The following CNTN5 variants were observed in gnomAD, a reference collection of about 807,000 sequenced individuals.
CNTN5 encodes contactin 5, also known as contactin-5.
A neutral mutation model predicts 129.1 loss-of-function variants in CNTN5; 77 were observed. The observed-to-expected ratio is 0.60, with a 90% CI of 0.50 to 0.72. The LOEUF is 0.72. Among genes scored for constraint, CNTN5 ranks in the 30% least tolerant of loss-of-function variants. The pLI, the probability that CNTN5 is intolerant of heterozygous loss-of-function variation, is 0.00. For missense variants in CNTN5, 1,478 were observed against 1,328.8 expected, an observed-to-expected ratio of 1.11 and a Z score of -1.75; for synonymous variants, 509 against 465.6, an observed-to-expected ratio of 1.09 and a Z score of -1.20.
At chr11:100,063,083 G>A (rs114082354) in intron 10 of CNTN5, among the ~76,000 whole-genome samples, 2,758 of 152,156 alleles carry the variant, frequency 0.018, 83 homozygotes, top group African/African-American at 0.063. Flanking sequence ...AGGAAAGTAC[G>A]AATTCTCTGT....
intron 1 of CNTN5, among the ~76,000 whole-genome samples, chr11:99,278,099 A>G (rs1487727623): frequency 6.6e-6 from 1 of 151,748 alleles, no homozygotes; most frequent in East Asian, 1.9e-4. Flanking sequence ...CATTATTAAC[A>G]AACTGATATT....
chr11:100,339,334 C>G (rs1230855247), intron 21 of CNTN5, among the ~76,000 whole-genome samples: 1 of 152,014 alleles, frequency 6.6e-6, no homozygotes, highest in East Asian at 1.9e-4. Context: ...TTTTACTGAG[C>G]AATGAAAATG....
intron 3 of CNTN5, among the ~76,000 whole-genome samples, chr11:99,817,693 A>G (rs1419377420): frequency 2.7e-5 from 4 of 149,580 alleles, no homozygotes; most frequent in African/African-American, 9.8e-5. Flanking sequence ...ATACGTTCAG[A>G]AACTACAACT....
chr11:99,700,327 C>A (rs1312555177), intron 3 of CNTN5, among the ~76,000 whole-genome samples: 1 of 151,362 alleles, frequency 6.6e-6, no homozygotes, highest in Non-Finnish European at 1.5e-5. Flanking sequence ...GTGAAAATAA[C>A]TTTGCCAATC....
intron 1 of CNTN5, among the ~76,000 whole-genome samples, chr11:99,215,476 G>T (rs1860068269): frequency 6.6e-6 from 1 of 152,102 alleles, no homozygotes; most frequent in Non-Finnish European, 1.5e-5. Flanking sequence ...ATTTGGAAGA[G>T]GCTAAAAGGA....
intron 3 of CNTN5, among the ~76,000 whole-genome samples, chr11:99,687,455 A>C (rs1001028705): frequency 1.3e-5 from 2 of 152,168 alleles, no homozygotes; most frequent in Admixed American, 6.5e-5. Flanking sequence ...TTTTCTAGAT[A>C]GTTAATTTGC....
chr11:99,984,965 C>T (rs543007300), intron 8 of CNTN5, among the ~76,000 whole-genome samples: 1 of 152,286 alleles, frequency 6.6e-6, no homozygotes. Context: ...AGCCACTGCT[C>T]CAGGTGCTGG....
chr11:99,811,598 G>A (rs961721878), intron 3 of CNTN5, among the ~76,000 whole-genome samples: 2 of 151,510 alleles, frequency 1.3e-5, no homozygotes, highest in Non-Finnish European at 2.9e-5. Context: ...TAGTTCCAAG[G>A]ACTGAAAGTG....
intron 3 of CNTN5, among the ~76,000 whole-genome samples, chr11:99,578,499 T>G (rs1256053341): frequency 2.7e-5 from 4 of 150,866 alleles, no homozygotes; most frequent in African/African-American, 9.8e-5. Context: ...TGTTGTTTCC[T>G]GACTTTTTAA....
chr11:99,629,954 C>G (rs1161877270), intron 3 of CNTN5, among the ~76,000 whole-genome samples: 1 of 151,160 alleles, frequency 6.6e-6, no homozygotes, highest in Non-Finnish European at 1.5e-5. Context: ...TAAAAACATT[C>G]CAATAGATAT....
At chr11:100,244,451 C>A (rs1421395696) in intron 16 of CNTN5, among the ~76,000 whole-genome samples, 1 of 152,092 alleles carries the variant, frequency 6.6e-6, no homozygotes, top group Admixed American at 6.6e-5. Context: ...TGAATGAAAA[C>A]CTATGTTTCA....
intron 1 of CNTN5, among the ~76,000 whole-genome samples, chr11:99,100,103 G>T (rs570140962): frequency 6.6e-6 from 1 of 151,972 alleles, no homozygotes; most frequent in South Asian, 2.1e-4. Context: ...ATAAAGTAAT[G>T]ACCCAAAAAA....
intron 8 of CNTN5, among the ~76,000 whole-genome samples, chr11:99,978,145 A>T (rs1938108414): frequency 6.6e-6 from 1 of 152,236 alleles, no homozygotes; most frequent in Non-Finnish European, 1.5e-5. Flanking sequence ...AAAGAATTGC[A>T]AAAGATAATA....
chr11:99,089,964 A>G (rs1866171688), intron 1 of CNTN5, among the ~76,000 whole-genome samples: 1 of 152,214 alleles, frequency 6.6e-6, no homozygotes, highest in Non-Finnish European at 1.5e-5. Flanking sequence ...ACAGATAGAC[A>G]TTTACTATGG....
intron 3 of CNTN5, among the ~76,000 whole-genome samples, chr11:99,703,538 A>G (rs1954619414): frequency 6.6e-6 from 1 of 150,908 alleles, no homozygotes; most frequent in Non-Finnish European, 1.5e-5. Flanking sequence ...CAATAGTCTT[A>G]CGAGGTAAGT....
Position 99,819,722 on chromosome 11 carries a change from C to A in CNTN5, c.234C>A (p.Ser78=), listed in dbSNP as rs200637003. 5.6e-6 allele frequency: 9 copies of A among 1,610,864 alleles called. No individual in the cohort carries two copies. The African/African-American group carries it at 9.3e-5, about 17-fold the overall frequency. The change falls in exon 4 of 25, where the codon TCC becomes TCA. Residue 78 remains serine, a synonymous_variant. Coordinates refer to ENST00000524871, the MANE Select transcript of CNTN5 (RefSeq NM_014361.4). ...TAGGGGCAGCTCAGAATTATTATTC[C>A]CCCATCAATCTTTATCATTCCTCAG... ...SWLGAAQNYY[S]PINLYHSSDA... is the part of the protein sequence containing the mutation.
intron 1 of CNTN5, among the ~76,000 whole-genome samples, chr11:99,301,094 C>G (rs1272911509): frequency 6.6e-6 from 1 of 151,482 alleles, no homozygotes; most frequent in African/African-American, 2.4e-5. Context: ...AGCACAGACA[C>G]TATTAAACTA....
At position 99,022,693 on chromosome 11, in the gene CNTN5, A is replaced by C. The variant is rs1003289370; in HGVS notation, c.-210+1423A>C. 1.8e-4 allele frequency among the ~76,000 whole-genome samples: 28 copies of C among 152,294 alleles called. No individual in the cohort carries two copies. In the East Asian group the frequency reaches 5.2e-3, roughly 28 times the overall value. ...GTCCATTAAAGGGAAAAAGGCAAAA[A>C]AAATCAGAGTTAAAGTTATAAAAAG... On this transcript the variant is annotated intron_variant, in intron 1 of 24. Transcript: ENST00000524871.
chr11:99,557,996 G>A (rs1254764135), intron 3 of CNTN5, among the ~76,000 whole-genome samples: 2 of 151,714 alleles, frequency 1.3e-5, no homozygotes, highest in Non-Finnish European at 3.0e-5. Flanking sequence ...TCAACACGTT[G>A]CTTACAGAAA....
Sources: allele counts gnomAD v4.1 joint callset (sites outside exome capture counted in the v4.1 genomes callset), GRCh38; gene constraint gnomAD v4.1.1; transcripts MANE v1.5; gene names NCBI Gene and HGNC (gene_info 2026-07-23, HGNC 2026-07-21).